TBC1D9B: variants seen among roughly 807,000 people sequenced by gnomAD.
TBC1D9B encodes the protein TBC1 domain family, member 9B (with GRAM domain).
In TBC1D9B, 87 loss-of-function variants were observed where a neutral mutation model predicts 121.1. That is an observed-to-expected ratio of 0.72 (90% confidence interval 0.60 to 0.86). TBC1D9B has a LOEUF of 0.86. TBC1D9B is among the 40% of genes least tolerant of loss of function. TBC1D9B has a pLI of 0.00. For synonymous variants in TBC1D9B, 668 were observed against 670.1 expected, an observed-to-expected ratio of 1.00 and a Z score of 0.05; for missense variants, 1,540 against 1,628.6, an observed-to-expected ratio of 0.95 and a Z score of 0.94.
rs1355916000 is a variant in TBC1D9B, at chr5:179,893,323, A to G, written c.722T>C (p.Met241Thr). 1 of 1,614,006 alleles carries G rather than the reference A, an allele frequency of 6.2e-7. No individual in the cohort carries two copies. The highest frequency in any genetic ancestry group is 1.3e-5 in the African/African-American group (1 of 74,916). Residue 241 changes from methionine (M) to threonine (T), a missense_variant, in exon 5 of 21, where the codon ATG (methionine) becomes ACG (threonine). Met to Thr is a moderately conservative substitution (Grantham distance 81). Coordinates refer to ENST00000355235, the MANE Select transcript of TBC1D9B (RefSeq NM_015043.4). The stretch of plus-strand genomic sequence containing the variant: ...CATGGCCAGGTTGGCCAACTGCTCC[A>G]TGAGCTTGAAGGTCTCGCCGATGTT... ...FLNIGETFKL[M>T]EQLANLAMRQ...
At chr5:179,879,882 G>A (rs1352104047) in intron 7 of TBC1D9B, 93 bp from the exon 8 acceptor site, 22 of 1,392,752 alleles carry the variant, frequency 1.6e-5, no homozygotes, top group African/African-American at 1.3e-4. Flanking sequence ...ATCGGGGCCC[G>A]GTGCAAGAAG....
chr5:179,872,848 G>GGCCCCCCCCCCCCCCCCCCCCCCCC, intron 14 of TBC1D9B, 44 bp downstream of exon 14: 2 of 1,457,238 alleles, frequency 1.4e-6, no homozygotes, highest in Non-Finnish European at 9.5e-7. Flanking sequence ...AGGCACTGCT[G>GGCCCCCCCCCCCCCCCCCCCCCCCC]CCCCCCCAGC....
chr5:179,872,856 AG>A, intron 14 of TBC1D9B, 35 bp downstream of exon 14: 5 of 868,374 alleles, frequency 5.8e-6, no homozygotes, highest in East Asian at 4.7e-5. Flanking sequence ...CTGCCCCCCC[AG>A]CCCAGCCCCT....
chr5:179,891,305 G>C lies in TBC1D9B; in HGVS notation c.1044+74C>G. 1.3e-6 allele frequency: 2 copies of C among 1,557,758 alleles called. No individual in the cohort carries two copies. Among genetic ancestry groups the C allele is most frequent in the South Asian group, 1.1e-5 (1 of 88,138 alleles). On this transcript the variant is annotated intron_variant, in intron 6 of 20. Transcript: ENST00000355235. This position sits in a 1 kb window ranked among gnomAD's most constrained non-coding sequence, Gnocchi z 4.3. The stretch of plus-strand genomic sequence containing the variant: ...CCCCCAGTGAGACAGGGCAGAGCAG[G>C]ACAGGCTGGTCCCTGAGCCCACTGA...
intron 2 of TBC1D9B, among the ~76,000 whole-genome samples, chr5:179,899,700 C>T (rs1180956628): frequency 6.6e-6 from 1 of 152,210 alleles, no homozygotes; most frequent in Non-Finnish European, 1.5e-5. Context: ...TAATCAGACA[C>T]AGTCATACTT....
In TBC1D9B at chr5:179,865,040, C is replaced by T. The variant is rs2113597679; in HGVS notation, c.3021+214G>A. Among the ~76,000 whole-genome samples the T allele has an allele frequency of 6.6e-6, 1 of 152,354 alleles. No homozygotes were observed. Among genetic ancestry groups the T allele is most frequent in the East Asian group, 1.9e-4 (1 of 5,180 alleles). Reference sequence around the variant, plus strand: ...CCTGGTTCACAGACACTCACTCAATCTGGAAACATGCCCCTATACAAGGCC... The same window carrying T: ...CCTGGTTCACAGACACTCACTCAATTTGGAAACATGCCCCTATACAAGGCC... On this transcript the variant is annotated intron_variant, in intron 20 of 20. Coordinates refer to ENST00000355235, the MANE Select transcript of TBC1D9B (RefSeq NM_015043.4). The surrounding 1 kb of genome is among the most constrained non-coding windows in gnomAD (Gnocchi z 5.1).
intron 9 of TBC1D9B, 129 bp downstream of exon 9, chr5:179,878,918 G>T: frequency 1.5e-6 from 2 of 1,315,832 alleles, no homozygotes; most frequent in Non-Finnish European, 2.0e-6. Context: ...CCGGCTCCCG[G>T]CTGTGTGAAA....
chr5:179,900,625 C>T (rs1190076159), intron 2 of TBC1D9B, among the ~76,000 whole-genome samples: 3 of 152,322 alleles, frequency 2.0e-5, no homozygotes, highest in Admixed American at 6.5e-5. Context: ...TAATCACACT[C>T]TTGTCGACTG....
Position 179,890,155 on chromosome 5 carries a change from G to A in TBC1D9B, c.1044+1224C>T, listed in dbSNP as rs2113634921. Among the ~76,000 whole-genome samples the A allele has an allele frequency of 6.6e-6, 1 of 152,370 alleles. No homozygotes were observed. Among genetic ancestry groups the A allele is most frequent in the African/African-American group, 2.4e-5 (1 of 41,584 alleles). The stretch of plus-strand genomic sequence containing the variant: ...AAGAGTCCACTACACCCACAGCAGA[G>A]TGAGCTGCGTGCGCAAAAGCCTGCA... On this transcript the variant is annotated intron_variant, in intron 6 of 20. Coordinates refer to ENST00000355235, the MANE Select transcript of TBC1D9B (RefSeq NM_015043.4). The surrounding 1 kb of genome is among the most constrained non-coding windows in gnomAD (Gnocchi z 5.0).
Position 179,865,156 on chromosome 5 carries a change from C to A in TBC1D9B, c.3021+98G>T. The A allele has an allele frequency of 1.7e-6, 2 of 1,175,156 alleles. No individual in the cohort carries two copies. Among genetic ancestry groups the A allele is most frequent in the African/African-American group, 1.5e-5 (1 of 66,004 alleles). The allele number at this position is 1,175,156 out of a possible 1,614,324, so 72.8% of individuals were successfully genotyped here. On this transcript the variant is annotated intron_variant, in intron 20 of 20. Transcript: ENST00000355235. This position sits in a 1 kb window ranked among gnomAD's most constrained non-coding sequence, Gnocchi z 5.1. ...TAGAGGCAGGGAGGAGCCTTCCCAC[C>A]CACCAGGAGATGCTGCAGTGCAGGT...
rs898265886 is a variant in TBC1D9B, at chr5:179,904,943, C to T, written c.119-131G>A. On this transcript the variant is annotated intron_variant, in intron 1 of 20. Transcript: ENST00000355235. The surrounding 1 kb of genome is among the most constrained non-coding windows in gnomAD (Gnocchi z 4.2). ...GGTCCAGCCCAACGAGGGAAACGTCCGGAATGACCCCTGCGGTCAAAGGCC... is the reference window on the plus strand; with the variant it reads ...GGTCCAGCCCAACGAGGGAAACGTCTGGAATGACCCCTGCGGTCAAAGGCC... 1.1e-5 allele frequency: 7 copies of T among 642,012 alleles called. No individual in the cohort carries two copies. The highest frequency in any genetic ancestry group is 6.8e-5 in the Admixed American group (2 of 29,534). 39.8% of individuals were successfully genotyped at this position (642,012 alleles called of 1,614,324 possible).
intron 14 of TBC1D9B, 21 bp from the exon 15 acceptor site, chr5:179,871,551 G>A (rs1760198646): frequency 1.2e-6 from 2 of 1,610,476 alleles, no homozygotes; most frequent in African/African-American, 1.3e-5. Flanking sequence ...GGAGAAACAG[G>A]GTATATAGCT....
intron 20 of TBC1D9B, among the ~76,000 whole-genome samples, chr5:179,864,541 G>A (rs1242656665): frequency 2.1e-5 from 3 of 145,846 alleles, no homozygotes; most frequent in Non-Finnish European, 4.5e-5. Context: ...TTTAGAAGGT[G>A]ATGGTGAGGA....
At chr5:179,903,438 G>C (rs1761218607) in intron 2 of TBC1D9B, among the ~76,000 whole-genome samples, 1 of 152,190 alleles carries the variant, frequency 6.6e-6, no homozygotes. Context: ...CCACCTAGGA[G>C]GACAACTACA....
chr5:179,883,336 T>A (rs981694521), intron 7 of TBC1D9B, among the ~76,000 whole-genome samples: 2 of 152,238 alleles, frequency 1.3e-5, no homozygotes, highest in Admixed American at 6.5e-5. Context: ...ACTGCTTTTT[T>A]CTGGGAAGGG....
In TBC1D9B at chr5:179,865,487, C is replaced by T. The variant is rs531019522; in HGVS notation, c.2915-127G>A. ...AGGGCCCTATCATAAAACACCCTGG[C>T]GTTTGGGAAGGTGGTCATGGGAAAA... is the stretch of plus-strand genomic sequence containing the variant. On this transcript the variant is annotated intron_variant, in intron 19 of 20. Coordinates refer to ENST00000355235, the MANE Select transcript of TBC1D9B (RefSeq NM_015043.4). This position sits in a 1 kb window ranked among gnomAD's most constrained non-coding sequence, Gnocchi z 5.1. 2,535 of 887,754 alleles carry T rather than the reference C, an allele frequency of 2.9e-3. 8 individuals are homozygous for T. The highest frequency in any genetic ancestry group is 3.9e-3 in the Non-Finnish European group (2,191 of 560,726). 55.0% of individuals were successfully genotyped at this position (887,754 alleles called of 1,614,324 possible).
rs146599557 is a variant in TBC1D9B, at chr5:179,902,102, T to C, written c.229+2600A>G. Among the ~76,000 whole-genome samples, 5 of 152,388 alleles carry C rather than the reference T, an allele frequency of 3.3e-5. No homozygotes were observed. Among genetic ancestry groups the C allele is most frequent in the African/African-American group, 4.8e-5 (2 of 41,592 alleles). On this transcript the variant is annotated intron_variant, in intron 2 of 20. Coordinates refer to ENST00000355235, the MANE Select transcript of TBC1D9B (RefSeq NM_015043.4). The surrounding 1 kb of genome is among the most constrained non-coding windows in gnomAD (Gnocchi z 4.9). ...ACCCTGGGTGCCTGGCTGCAGAGCC[T>C]GCCCTCACCCTCGGAAGCTCCCGGC...
chr5:179,878,926 A>T, intron 9 of TBC1D9B, 121 bp downstream of exon 9: 1 of 1,372,684 alleles, frequency 7.3e-7, no homozygotes, highest in Non-Finnish European at 9.6e-7. Flanking sequence ...CGGCTGTGTG[A>T]AAGAGCTGGG....
chr5:179,882,677 C>A lies in TBC1D9B; in HGVS notation c.1255-2888G>T, dbSNP rs148909562. On this transcript the variant is annotated intron_variant, in intron 7 of 20. Transcript: ENST00000355235. Reference sequence around the variant, plus strand: ...TGGCCAACATGGTGAAATCTCAACCCCATCTCTACAAAAAATACAAAAATT... The same window carrying A: ...TGGCCAACATGGTGAAATCTCAACCACATCTCTACAAAAAATACAAAAATT... Among the ~76,000 whole-genome samples the A allele has an allele frequency of 8.6e-4, 131 of 152,138 alleles. 1 individual carries two copies. The highest frequency in any genetic ancestry group is 3.0e-3 in the African/African-American group (123 of 41,514).
Sources: allele counts gnomAD v4.1 joint callset (sites outside exome capture counted in the v4.1 genomes callset), GRCh38; gene constraint gnomAD v4.1.1; non-coding constraint Gnocchi (gnomAD v3.1); transcripts MANE v1.5; gene names NCBI Gene and HGNC (gene_info 2026-07-23, HGNC 2026-07-21).